NAA15: variants seen among roughly 807,000 people sequenced by gnomAD.
NAA15 encodes the protein N-alpha-acetyltransferase 15, NatA auxiliary subunit.
NAA15 carries 34 observed loss-of-function variants against 114.0 expected under a neutral mutation model. The ratio of observed to expected loss-of-function variants is 0.30; its 90% CI spans 0.23 to 0.40. NAA15 has a LOEUF of 0.40. Ranked by LOEUF, NAA15 falls within the 10% of genes least tolerant of loss-of-function variation. The probability of loss-of-function intolerance (pLI) is 1.00; values close to 1 mark genes in which losing one functional copy is unlikely to be tolerated. For missense variants in NAA15, 658 were observed against 1,004.5 expected (o/e 0.66, Z 4.66); for synonymous variants, 340 against 338.0 (o/e 1.01, Z -0.06).
At position 139,388,207 on chromosome 4, in the gene NAA15, A is replaced by G. The variant is rs1748961279; in HGVS notation, c.*123A>G. On this transcript the variant is annotated 3_prime_UTR_variant, in exon 20 of 20. Coordinates refer to ENST00000296543, the MANE Select transcript of NAA15 (RefSeq NM_057175.5). ...AGAGGAGTAAATGTTCTTGCCTTCA[A>G]ATAGTGTTTTACGTTTTTTATCCTG... 6 of 741,762 alleles carry G rather than the reference A, an allele frequency of 8.1e-6. No individual in the cohort carries two copies. The highest frequency in any genetic ancestry group is 3.7e-4 in the Middle Eastern group (1 of 2,714). The allele number at this position is 741,762 out of a possible 1,614,324, so 45.9% of individuals were successfully genotyped here. A position where few individuals can be genotyped will look rare whatever the true frequency, so the allele number is the denominator to read the frequency against.
Position 139,351,698 on chromosome 4 carries a change from A to T in NAA15, c.1014+87A>T, listed in dbSNP as rs568125594. ...TGATTCTTGATTATCTCTGCACAGT[A>T]GTACGTGTTTTGTGAATCTCATGTC... On this transcript the variant is annotated intron_variant, in intron 9 of 19. Coordinates refer to ENST00000296543, the MANE Select transcript of NAA15 (RefSeq NM_057175.5). 1.7e-5 allele frequency: 11 copies of T among 641,278 alleles called. No individual in the cohort carries two copies. In the East Asian group the frequency reaches 3.0e-4, roughly 17 times the overall value. 39.7% of individuals were successfully genotyped at this position (641,278 alleles called of 1,614,324 possible). A position where few individuals can be genotyped will look rare whatever the true frequency, so the allele number is the denominator to read the frequency against.
chr4:139,365,908 G>A, intron 14 of NAA15, among the ~76,000 whole-genome samples: 1 of 152,080 alleles, frequency 6.6e-6, no homozygotes, highest in East Asian at 1.9e-4. Context: ...CATGTAGCAA[G>A]GCTACAAGTG....
chr4:139,362,321 C>G (rs1343512891), intron 14 of NAA15, among the ~76,000 whole-genome samples: 1 of 152,140 alleles, frequency 6.6e-6, no homozygotes, highest in Non-Finnish European at 1.5e-5. Context: ...CGCTCTGTTT[C>G]CCATGCTGGA....
chr4:139,324,563 A>G (rs1020430574), intron 1 of NAA15, among the ~76,000 whole-genome samples: 70 of 152,340 alleles, frequency 4.6e-4, no homozygotes, highest in Middle Eastern at 3.4e-3. Context: ...AATGTAAAAC[A>G]TATGTTGAAA....
In NAA15 at chr4:139,318,793, G is replaced by A. The variant is rs866624958; in HGVS notation, c.55-15381G>A. ...TGCTTAAACCCGGAAAGTGGAGGTT[G>A]CAGTGAGCCAAGATCGCGCCACTGT... On this transcript the variant is annotated intron_variant, in intron 1 of 19. Transcript: ENST00000296543. 4.3e-4 allele frequency among the ~76,000 whole-genome samples: 66 copies of A among 152,034 alleles called. No individual in the cohort carries two copies. In the Middle Eastern group the frequency reaches 0.01, roughly 24 times the overall value.
At chr4:139,378,928 G>A in intron 17 of NAA15, 74 bp downstream of exon 17, 1 of 919,362 alleles carries the variant, frequency 1.1e-6, no homozygotes. Context: ...GTCTGTACAA[G>A]TTTATCATAA....
At chr4:139,337,728 T>A (rs879588040) in intron 3 of NAA15, among the ~76,000 whole-genome samples, 3 of 152,236 alleles carry the variant, frequency 2.0e-5, no homozygotes, top group Admixed American at 2.0e-4. Context: ...ATTTTTCAGA[T>A]GTTTACCAGG....
intron 14 of NAA15, among the ~76,000 whole-genome samples, chr4:139,367,580 T>C (rs911774865): frequency 6.6e-6 from 1 of 152,184 alleles, no homozygotes; most frequent in Non-Finnish European, 1.5e-5. Context: ...TTAGAAGTTT[T>C]ATTGTTTGAG....
intron 1 of NAA15, among the ~76,000 whole-genome samples, chr4:139,320,412 T>A (rs1042404953): frequency 3.3e-5 from 5 of 152,236 alleles, no homozygotes; most frequent in African/African-American, 1.2e-4. Flanking sequence ...TATTCTTGCA[T>A]GTATAGGTTA....
intron 10 of NAA15, among the ~76,000 whole-genome samples, chr4:139,355,536 T>C (rs1004874423): frequency 6.6e-6 from 1 of 152,168 alleles, no homozygotes; most frequent in African/African-American, 2.4e-5. Context: ...GCTAGTATGA[T>C]AGCCAGTAGC....
intron 14 of NAA15, among the ~76,000 whole-genome samples, chr4:139,369,018 G>A (rs551138608): frequency 1.8e-4 from 28 of 152,250 alleles, no homozygotes; most frequent in African/African-American, 6.5e-4. Flanking sequence ...ATTTACTATA[G>A]AGTTATTCAT....
At chr4:139,315,001 T>TCAGGTTAGGTTAGGTTAGG (rs1553992509) in intron 1 of NAA15, among the ~76,000 whole-genome samples, 1 of 74,356 alleles carries the variant, frequency 1.3e-5, no homozygotes, top group Non-Finnish European at 2.5e-5. Context: ...TTCAGTTCAG[T>TCAGGTTAGGTTAGGTTAGG]TTAGTTTAGG....
At chr4:139,354,640 A>G (rs1479180252) in intron 10 of NAA15, among the ~76,000 whole-genome samples, 3 of 152,168 alleles carry the variant, frequency 2.0e-5, no homozygotes, top group Non-Finnish European at 4.4e-5. Context: ...AAAATTTTAA[A>G]AACATCTACA....
rs555255452 is a variant in NAA15, at chr4:139,334,075, G to C, written c.55-99G>C. 9.3e-5 allele frequency: 66 copies of C among 710,552 alleles called. No individual in the cohort carries two copies. The East Asian group carries it at 1.9e-3, about 21-fold the overall frequency. The allele number at this position is 710,552 out of a possible 1,614,324, so 44.0% of individuals were successfully genotyped here. On this transcript the variant is annotated intron_variant, in intron 1 of 19. Coordinates refer to ENST00000296543, the MANE Select transcript of NAA15 (RefSeq NM_057175.5). ...CGAGATTTAGAAGCATATGGAAATA[G>C]CATTCTGTTGTATTTAACAGAGTAG...
Position 139,390,955 on chromosome 4 carries a change from A to G in NAA15, c.*2871A>G, listed in dbSNP as rs983558577. 1 of 152,214 alleles carries G rather than the reference A, an allele frequency of 6.6e-6. No individual in the cohort carries two copies. The highest frequency in any genetic ancestry group is 1.5e-5 in the Non-Finnish European group (1 of 68,036). The allele number at this position is 152,214 out of a possible 1,614,324, so 9.4% of individuals were successfully genotyped here. A position where few individuals can be genotyped will look rare whatever the true frequency, so the allele number is the denominator to read the frequency against. On this transcript the variant is annotated 3_prime_UTR_variant, in exon 20 of 20. Transcript: ENST00000296543. ...AAAAAAGTGTGGTCCAGATTCAGGT[A>G]GGTTGTGGTAAGTTCAGGGAAGTCT...
At chr4:139,373,703 C>CT (rs397964878) in intron 15 of NAA15, among the ~76,000 whole-genome samples, 6,442 of 143,002 alleles carry the variant, frequency 0.045, 322 homozygotes, top group African/African-American at 0.13. Flanking sequence ...TGTTTGTTTG[C>CT]TTTTTTTTTT....
chr4:139,355,693 G>A (rs561134990), intron 10 of NAA15, among the ~76,000 whole-genome samples: 1 of 152,276 alleles, frequency 6.6e-6, no homozygotes, highest in South Asian at 2.1e-4. Context: ...CTTCTGTCAT[G>A]ACAGAATCTT....
chr4:139,306,844 G>GGACA (rs1560948973), intron 1 of NAA15, among the ~76,000 whole-genome samples: 1 of 152,114 alleles, frequency 6.6e-6, no homozygotes, highest in Non-Finnish European at 1.5e-5. Flanking sequence ...TGGAAAAGAT[G>GGACA]GACATATCCT....
intron 1 of NAA15, among the ~76,000 whole-genome samples, chr4:139,323,473 C>T (rs1746690734): frequency 6.6e-6 from 1 of 152,124 alleles, no homozygotes; most frequent in African/African-American, 2.4e-5. Context: ...GGATTACAGG[C>T]GTGAGCCACC....
Sources: allele counts gnomAD v4.1 joint callset (sites outside exome capture counted in the v4.1 genomes callset), GRCh38; gene constraint gnomAD v4.1.1; transcripts MANE v1.5; gene names NCBI Gene and HGNC (gene_info 2026-07-23, HGNC 2026-07-21).